Variants in KCNIP4 observed in about 807,000 individuals in gnomAD.
The protein encoded by KCNIP4 is potassium voltage-gated channel interacting protein 4, also known as Kv channel-interacting protein 4.
Under a neutral mutation model 34.0 loss-of-function variants are expected in KCNIP4, and 12 were observed. That is an observed-to-expected ratio of 0.35 (90% CI 0.23 to 0.57). The LOEUF (loss-of-function observed/expected upper bound fraction) is 0.57. Ranked by LOEUF, KCNIP4 falls within the 20% of genes least tolerant of loss-of-function variation. KCNIP4 has a pLI of 0.83. For synonymous variants in KCNIP4, 124 were observed against 102.2 expected (o/e 1.21, Z -1.29); for missense variants, 238 against 311.7 (o/e 0.76, Z 1.78).
intron 1 of KCNIP4, among the ~76,000 whole-genome samples, chr4:21,310,679 T>G (rs1436931525): frequency 6.6e-6 from 1 of 152,120 alleles, no homozygotes; most frequent in Non-Finnish European, 1.5e-5. Flanking sequence ...TTGCCCAGGC[T>G]GGAGTGCAGT....
intron 1 of KCNIP4, among the ~76,000 whole-genome samples, chr4:21,083,469 C>A (rs1746176268): frequency 6.6e-6 from 1 of 151,684 alleles, no homozygotes; most frequent in African/African-American, 2.4e-5. Context: ...TCCAAGTGGA[C>A]CCTAGGTGAA....
chr4:21,329,152 A>T (rs1715379027), intron 1 of KCNIP4, among the ~76,000 whole-genome samples: 1 of 152,250 alleles, frequency 6.6e-6, no homozygotes, highest in Non-Finnish European at 1.5e-5. Flanking sequence ...TGTGTAAAAC[A>T]ATGCATGCAC....
chr4:21,925,490 A>G (rs1164076173), intron 1 of KCNIP4, among the ~76,000 whole-genome samples: 1 of 152,050 alleles, frequency 6.6e-6, no homozygotes, highest in Non-Finnish European at 1.5e-5. Flanking sequence ...TCGTTGTTGG[A>G]CATTTAGGTT....
intron 3 of KCNIP4, among the ~76,000 whole-genome samples, chr4:20,813,176 G>GGATA (rs1481733775): frequency 2.0e-5 from 3 of 152,120 alleles, no homozygotes; most frequent in Admixed American, 2.0e-4. Context: ...AAGATACTGA[G>GGATA]AATGGCAGGA....
intron 1 of KCNIP4, among the ~76,000 whole-genome samples, chr4:21,879,460 CCTGA>C (rs1726338469): frequency 6.6e-6 from 1 of 152,216 alleles, no homozygotes; most frequent in South Asian, 2.1e-4. Context: ...TTCAGGCAAG[CCTGA>C]CTGTTGGCTG....
At chr4:21,850,925 GCAGA>G (rs1424055474) in intron 1 of KCNIP4, 2 of 152,034 alleles carry the variant, frequency 1.3e-5, no homozygotes, top group Non-Finnish European at 2.9e-5. Context: ...CATAAATAAA[GCAGA>G]CAAAGTCTCT....
intron 1 of KCNIP4, among the ~76,000 whole-genome samples, chr4:21,792,431 C>T (rs1720358370): frequency 6.6e-6 from 1 of 151,908 alleles, no homozygotes; most frequent in South Asian, 2.1e-4. Flanking sequence ...CATAAAATTG[C>T]CCTCATAAAT....
intron 2 of KCNIP4, among the ~76,000 whole-genome samples, chr4:20,869,079 T>C (rs10006882): frequency 0.013 from 1,938 of 152,242 alleles, 49 homozygotes; most frequent in African/African-American, 0.043. Context: ...CCTTAGAAAG[T>C]AGGCAGTACA....
intron 1 of KCNIP4, among the ~76,000 whole-genome samples, chr4:21,170,450 G>A (rs891561614): frequency 6.6e-6 from 1 of 152,128 alleles, no homozygotes; most frequent in Non-Finnish European, 1.5e-5. Flanking sequence ...ATTTGGGATT[G>A]TCAGCAAACA....
rs372245996 is a variant in KCNIP4 at position 21,504,262 on chromosome 4, G to T, written c.61+444309C>A. ...GCGGGTGGATCACCTGAGGTCAGGAGTTCGAGACCAGCCTGGCCAACATGG... is the reference window on the plus strand; with the variant it reads ...GCGGGTGGATCACCTGAGGTCAGGATTTCGAGACCAGCCTGGCCAACATGG... On this transcript the variant is annotated intron_variant, in intron 1 of 8. Coordinates refer to ENST00000382152, the MANE Select transcript of KCNIP4 (RefSeq NM_025221.6). Among the ~76,000 whole-genome samples, 32 of 152,100 alleles carry T rather than the reference G, an allele frequency of 2.1e-4. No homozygotes were observed. The East Asian group carries it at 2.3e-3, about 11-fold the overall frequency.
intron 1 of KCNIP4, among the ~76,000 whole-genome samples, chr4:21,814,136 T>C (rs715840): frequency 0.38 from 57,280 of 152,014 alleles, 11,903 homozygotes; most frequent in East Asian, 0.65. Flanking sequence ...TGCTAGTGAC[T>C]GGGAATCACG....
At chr4:20,808,756 T>A (rs562999816) in intron 3 of KCNIP4, among the ~76,000 whole-genome samples, 1 of 152,276 alleles carries the variant, frequency 6.6e-6, no homozygotes, top group East Asian at 1.9e-4. Context: ...TCAACTATAC[T>A]CTGGGTTCTA....
chr4:21,862,960 CAAAAAAAG>C (rs1015698256), intron 1 of KCNIP4, among the ~76,000 whole-genome samples: 1 of 107,892 alleles, frequency 9.3e-6, no homozygotes, highest in Non-Finnish European at 2.1e-5. Flanking sequence ...GACTCCGTCT[CAAAAAAAG>C]AAAAAAAAAG....
intron 1 of KCNIP4, among the ~76,000 whole-genome samples, chr4:20,892,226 A>G (rs1489261675): frequency 6.6e-6 from 1 of 152,232 alleles, no homozygotes; most frequent in African/African-American, 2.4e-5. Flanking sequence ...TATCAGTTTA[A>G]AAGAAGGCAA....
intron 1 of KCNIP4, among the ~76,000 whole-genome samples, chr4:21,754,092 G>A (rs760610435): frequency 3.6e-4 from 55 of 152,166 alleles, no homozygotes; most frequent in Non-Finnish European, 6.8e-4. Flanking sequence ...TGCAGTAAGG[G>A]CTCGCATCTC....
At chr4:21,463,368 G>C (rs867136396) in intron 1 of KCNIP4, among the ~76,000 whole-genome samples, 1 of 151,816 alleles carries the variant, frequency 6.6e-6, no homozygotes, top group Admixed American at 6.6e-5. Context: ...CAGATTATTT[G>C]TGTTTTTGTG....
intron 1 of KCNIP4, among the ~76,000 whole-genome samples, chr4:21,561,692 ATTAC>A (rs1739497641): frequency 6.6e-6 from 1 of 151,990 alleles, no homozygotes. Flanking sequence ...AGGCAATTAA[ATTAC>A]TTACCATCTT....
rs539804397 is a variant in KCNIP4, at chr4:21,609,323, T to C, written c.61+339248A>G. 1.2e-4 allele frequency among the ~76,000 whole-genome samples: 18 copies of C among 152,304 alleles called. No homozygotes were observed. The East Asian group carries it at 3.5e-3, about 29-fold the overall frequency. ...TATTATGTATTGGTCAACCACAATA[T>C]AGGAAAATAAATTGAAGGGCATCTC... On this transcript the variant is annotated intron_variant, in intron 1 of 8. Coordinates refer to ENST00000382152, the MANE Select transcript of KCNIP4 (RefSeq NM_025221.6).
intron 1 of KCNIP4, among the ~76,000 whole-genome samples, chr4:21,211,925 C>T (rs1577896069): frequency 6.7e-6 from 1 of 150,312 alleles, no homozygotes; most frequent in Non-Finnish European, 1.5e-5. Flanking sequence ...TCTTTCATCA[C>T]AGGATTTATA....
Sources: gnomAD v4.1 joint callset for allele counts (sites outside exome capture counted in the v4.1 genomes callset) on GRCh38, gnomAD v4.1.1 for gene constraint, MANE v1.5 for transcripts, NCBI Gene and HGNC (gene_info 2026-07-23, HGNC 2026-07-21) for gene names.